PDE8A: variants seen among roughly 807,000 people sequenced by gnomAD.
PDE8A encodes the protein phosphodiesterase 8A, also known as high affinity cAMP-specific and IBMX-insensitive 3',5'-cyclic phosphodiesterase 8A.
In PDE8A, 59 loss-of-function variants were observed where a neutral mutation model predicts 105.0. The observed-to-expected ratio is 0.56, with a 90% CI of 0.46 to 0.70. The LOEUF (loss-of-function observed/expected upper bound fraction) is 0.70, where lower values mean the gene tolerates loss of function less well. Among genes scored for constraint, PDE8A ranks in the 30% least tolerant of loss-of-function variants. The pLI is 0.00. For synonymous variants in PDE8A, 355 were observed against 371.9 expected (o/e 0.95, Z 0.52); for missense variants, 1,014 against 1,045.9 (o/e 0.97, Z 0.42).
intron 1 of PDE8A, among the ~76,000 whole-genome samples, chr15:85,040,334 G>A (rs1278630225): frequency 6.2e-5 from 9 of 144,974 alleles, no homozygotes; most frequent in African/African-American, 2.0e-4. Flanking sequence ...CTGGGATTAC[G>A]GCGTGAGCCA....
chr15:85,021,842 C>T (rs1276183323), intron 1 of PDE8A, among the ~76,000 whole-genome samples: 2 of 152,128 alleles, frequency 1.3e-5, no homozygotes, highest in Admixed American at 1.3e-4. Context: ...AGGCTGTGCA[C>T]GTTTGGCGGG....
chr15:85,130,903 G>A (rs889961809), intron 20 of PDE8A, among the ~76,000 whole-genome samples: 3 of 152,060 alleles, frequency 2.0e-5, no homozygotes, highest in African/African-American at 7.2e-5. Flanking sequence ...GGGATTATAG[G>A]CACGTACCAC....
At chr15:84,996,930 G>C (rs922913365) in intron 1 of PDE8A, among the ~76,000 whole-genome samples, 4 of 151,222 alleles carry the variant, frequency 2.6e-5, no homozygotes, top group African/African-American at 9.7e-5. Flanking sequence ...GTGAATGAGT[G>C]GTGAGTGAAT....
At position 85,126,367 on chromosome 15, in the gene PDE8A, TTTCTCA is replaced by T. The variant is rs778261218; in HGVS notation, c.2247_2252del (p.Phe749_Gln751delinsLeu). ...GCTGCACGCATTTCGGAAGAATATTTTTCTCAGGTAAGTTGCTGCCTCTTTTAAGTT... is the reference window on the plus strand; with the variant it reads ...GCTGCACGCATTTCGGAAGAATATTTGGTAAGTTGCTGCCTCTTTTAAGTT... On this transcript the variant is annotated inframe_deletion and splice_region_variant, in exon 20 of 22. Transcript: ENST00000394553. The T allele has an allele frequency of 6.3e-7, 1 of 1,578,088 alleles. No individual in the cohort carries two copies. The highest frequency in any genetic ancestry group is 1.7e-5 in the Admixed American group (1 of 58,050).
chr15:85,006,246 T>G (rs1422937874), intron 1 of PDE8A, among the ~76,000 whole-genome samples: 1 of 152,050 alleles, frequency 6.6e-6, no homozygotes, highest in African/African-American at 2.4e-5. Flanking sequence ...ACATGTACCC[T>G]AAAACTTAAA....
At chr15:85,043,098 G>GCTA (rs397776832) in intron 1 of PDE8A, among the ~76,000 whole-genome samples, 1 of 150,818 alleles carries the variant, frequency 6.6e-6, no homozygotes, top group East Asian at 1.9e-4. Context: ...AAGGCTCTCT[G>GCTA]TCTGAATATA....
At chr15:85,105,886 A>C (rs1275549680) in intron 11 of PDE8A, among the ~76,000 whole-genome samples, 2 of 151,890 alleles carry the variant, frequency 1.3e-5, no homozygotes, top group Non-Finnish European at 2.9e-5. Context: ...TTCATCTTCA[A>C]CCTCTTGGTG....
At chr15:84,993,613 C>G (rs1007962150) in intron 1 of PDE8A, among the ~76,000 whole-genome samples, 1 of 152,042 alleles carries the variant, frequency 6.6e-6, no homozygotes, top group Admixed American at 6.5e-5. Context: ...CGTAGTGGCT[C>G]ATGCCTGTAA....
rs371662519 is a variant in PDE8A at position 84,998,888 on chromosome 15, A to G, written c.186+16540A>G. Among the ~76,000 whole-genome samples, 7 of 152,210 alleles carry G rather than the reference A, an allele frequency of 4.6e-5. No homozygotes were observed. The East Asian group carries it at 9.6e-4, about 21-fold the overall frequency. ...GGCACAGAACACCTCTATGGAGATAATTGATAGTTGACTATATGAGCAAAC... is the reference window on the plus strand; with the variant it reads ...GGCACAGAACACCTCTATGGAGATAGTTGATAGTTGACTATATGAGCAAAC... On this transcript the variant is annotated intron_variant, in intron 1 of 21. Transcript: ENST00000394553.
intron 11 of PDE8A, among the ~76,000 whole-genome samples, chr15:85,103,471 T>A (rs1478774028): frequency 1.3e-5 from 2 of 152,172 alleles, no homozygotes; most frequent in Non-Finnish European, 2.9e-5. Context: ...CACCTTTATG[T>A]CCAAAGGTCT....
chr15:85,047,168 C>T (rs1420197379), intron 1 of PDE8A, among the ~76,000 whole-genome samples: 1 of 152,084 alleles, frequency 6.6e-6, no homozygotes, highest in African/African-American at 2.4e-5. Context: ...TGATTATTCC[C>T]TTGTAAATAT....
At chr15:85,061,324 C>T (rs952407348) in intron 1 of PDE8A, among the ~76,000 whole-genome samples, 13 of 152,056 alleles carry the variant, frequency 8.5e-5, no homozygotes, top group Non-Finnish European at 1.6e-4. Context: ...ACTTCTGCCT[C>T]CCAGGTTCAA....
At chr15:85,128,366 G>T (rs1051529190) in intron 20 of PDE8A, among the ~76,000 whole-genome samples, 1 of 152,110 alleles carries the variant, frequency 6.6e-6, no homozygotes, top group Non-Finnish European at 1.5e-5. Flanking sequence ...TTAATTAGTT[G>T]CCTGTGGTGG....
chr15:85,112,077 T>A (rs1423901221), intron 12 of PDE8A, among the ~76,000 whole-genome samples: 1 of 152,216 alleles, frequency 6.6e-6, no homozygotes, highest in African/African-American at 2.4e-5. Context: ...AGGAGTGCAT[T>A]TATAGATTCT....
intron 16 of PDE8A, among the ~76,000 whole-genome samples, chr15:85,116,967 G>A (rs1349686908): frequency 6.6e-6 from 1 of 152,224 alleles, no homozygotes; most frequent in African/African-American, 2.4e-5. Context: ...GCTAAGGCAG[G>A]TCAGTTTAAG....
chr15:85,049,424 A>G (rs2080938240), intron 1 of PDE8A, among the ~76,000 whole-genome samples: 1 of 152,166 alleles, frequency 6.6e-6, no homozygotes, highest in South Asian at 2.1e-4. Flanking sequence ...CAAGTACCTC[A>G]TGTAAGTGGA....
intron 1 of PDE8A, among the ~76,000 whole-genome samples, chr15:84,990,637 A>G (rs1203224320): frequency 1.3e-5 from 2 of 152,152 alleles, no homozygotes; most frequent in Non-Finnish European, 2.9e-5. Context: ...TTGTTATTGG[A>G]TACTAGGGCT....
intron 19 of PDE8A, among the ~76,000 whole-genome samples, chr15:85,125,374 A>G (rs959973997): frequency 8.5e-5 from 13 of 152,102 alleles, no homozygotes; most frequent in African/African-American, 3.1e-4. Context: ...CTGCCCCAAT[A>G]CCCTCTAACC....
At chr15:85,079,572 A>G (rs2081432502) in intron 5 of PDE8A, among the ~76,000 whole-genome samples, 2 of 152,246 alleles carry the variant, frequency 1.3e-5, no homozygotes, top group African/African-American at 4.8e-5. Context: ...CTGAAGAAAG[A>G]TGAAACAACA....
Sources: allele counts gnomAD v4.1 joint callset (sites outside exome capture counted in the v4.1 genomes callset), GRCh38; gene constraint gnomAD v4.1.1; transcripts MANE v1.5; gene names NCBI Gene and HGNC (gene_info 2026-07-23, HGNC 2026-07-21).